SH3RF3: variants seen among roughly 807,000 people sequenced by gnomAD.
SH3RF3 encodes the protein E3 ubiquitin-protein ligase SH3RF3.
A neutral mutation model predicts 66.3 loss-of-function variants in SH3RF3; 29 were observed. The ratio of observed to expected loss-of-function variants is 0.44; its 90% CI spans 0.33 to 0.60. The LOEUF (loss-of-function observed/expected upper bound fraction) is 0.60. Among genes scored for constraint, SH3RF3 ranks in the 20% least tolerant of loss-of-function variants. The pLI is 0.04. For missense variants in SH3RF3, 1,194 were observed against 1,190.9 expected, an observed-to-expected ratio of 1.00 and a Z score of -0.04; for synonymous variants, 583 against 532.0, an observed-to-expected ratio of 1.10 and a Z score of -1.32.
At chr2:109,318,820 T>G (rs1178991963) in intron 1 of SH3RF3, among the ~76,000 whole-genome samples, 1 of 152,194 alleles carries the variant, frequency 6.6e-6, no homozygotes, top group Non-Finnish European at 1.5e-5. Flanking sequence ...ACCCATCCAC[T>G]CAGAGGCAGA....
At chr2:109,314,305 A>C (rs1439382366) in intron 1 of SH3RF3, among the ~76,000 whole-genome samples, 2 of 152,198 alleles carry the variant, frequency 1.3e-5, no homozygotes, top group East Asian at 3.9e-4. Flanking sequence ...TGAAATGGTT[A>C]AACTGATAAA....
At chr2:109,315,677 G>C (rs112075660) in intron 1 of SH3RF3, among the ~76,000 whole-genome samples, 1 of 152,208 alleles carries the variant, frequency 6.6e-6, no homozygotes, top group Non-Finnish European at 1.5e-5. Flanking sequence ...ATAAAGGGGC[G>C]AGCTCTGTCT....
At chr2:109,465,442 A>G (rs1678315610) in intron 8 of SH3RF3, among the ~76,000 whole-genome samples, 1 of 152,192 alleles carries the variant, frequency 6.6e-6, no homozygotes, top group Admixed American at 6.5e-5. Context: ...TTGCTTTCCT[A>G]CCAGCAATGA....
chr2:109,354,814 CT>C (rs1682914563), intron 2 of SH3RF3, among the ~76,000 whole-genome samples: 3 of 152,234 alleles, frequency 2.0e-5, no homozygotes, highest in Admixed American at 1.3e-4. Context: ...AAAACACAGA[CT>C]TTGGAAGAGC....
intron 1 of SH3RF3, among the ~76,000 whole-genome samples, chr2:109,189,224 T>C (rs1487587507): frequency 6.6e-6 from 1 of 151,694 alleles, no homozygotes; most frequent in Non-Finnish European, 1.5e-5. Flanking sequence ...GGCTCTGGTG[T>C]GTTCAGAAGG....
intron 1 of SH3RF3, among the ~76,000 whole-genome samples, chr2:109,135,342 G>A (rs1380152510): frequency 6.6e-6 from 1 of 152,182 alleles, no homozygotes; most frequent in Non-Finnish European, 1.5e-5. Context: ...GGGGTGGTGG[G>A]AATCCCACTG....
intron 1 of SH3RF3, among the ~76,000 whole-genome samples, chr2:109,142,622 G>T (rs986819534): frequency 7.2e-5 from 11 of 152,140 alleles, no homozygotes; most frequent in Non-Finnish European, 1.5e-4. Flanking sequence ...GTTCTCTGGG[G>T]GCAGAACGCC....
At chr2:109,298,727 G>A (rs182228792) in intron 1 of SH3RF3, among the ~76,000 whole-genome samples, 177 of 152,218 alleles carry the variant, frequency 1.2e-3, no homozygotes, top group Middle Eastern at 0.01. Flanking sequence ...TACCCCATCA[G>A]CTCACCCTGT....
intron 5 of SH3RF3, among the ~76,000 whole-genome samples, chr2:109,426,976 A>T (rs1677041123): frequency 1.9e-5 from 2 of 108,072 alleles, no homozygotes; most frequent in African/African-American, 8.0e-5. Context: ...ATATATATAT[A>T]TATTTTTTTT....
chr2:109,402,222 T>C (rs1204487583), intron 4 of SH3RF3, among the ~76,000 whole-genome samples: 2 of 152,232 alleles, frequency 1.3e-5, no homozygotes, highest in Non-Finnish European at 2.9e-5. Flanking sequence ...TTGCTGGCCA[T>C]GTGCGTCTGA....
chr2:109,246,538 C>T (rs1200984571), intron 1 of SH3RF3, among the ~76,000 whole-genome samples: 2 of 152,196 alleles, frequency 1.3e-5, no homozygotes, highest in Non-Finnish European at 2.9e-5. Context: ...TTGCATACTC[C>T]AAGGAATATC....
chr2:109,131,432 G>A (rs1245411353), intron 1 of SH3RF3, among the ~76,000 whole-genome samples: 1 of 152,128 alleles, frequency 6.6e-6, no homozygotes, highest in Non-Finnish European at 1.5e-5. Context: ...TTGATGTAAG[G>A]TATTTATAAT....
At chr2:109,264,989 G>A (rs548236357) in intron 1 of SH3RF3, among the ~76,000 whole-genome samples, 4 of 152,306 alleles carry the variant, frequency 2.6e-5, no homozygotes, top group African/African-American at 9.6e-5. Context: ...AGAGATAGCC[G>A]CATGCTCTGT....
At chr2:109,279,792 C>T (rs775172522) in intron 1 of SH3RF3, among the ~76,000 whole-genome samples, 12 of 152,132 alleles carry the variant, frequency 7.9e-5, no homozygotes, top group East Asian at 5.8e-4. Context: ...AGAGCCAGGC[C>T]GGGCAAGAAG....
chr2:109,304,429 T>G (rs1259906355), intron 1 of SH3RF3, among the ~76,000 whole-genome samples: 3 of 152,146 alleles, frequency 2.0e-5, no homozygotes, highest in African/African-American at 7.2e-5. Context: ...TTCCTTCTTT[T>G]TTAAGGCTGA....
intron 1 of SH3RF3, among the ~76,000 whole-genome samples, chr2:109,156,487 C>G (rs1342533969): frequency 6.6e-6 from 1 of 151,010 alleles, no homozygotes; most frequent in Non-Finnish European, 1.5e-5. Flanking sequence ...CTCTTGTTGT[C>G]CAGGCTGGAG....
chr2:109,192,511 C>A (rs1457252629), intron 1 of SH3RF3, among the ~76,000 whole-genome samples: 1 of 152,100 alleles, frequency 6.6e-6, no homozygotes, highest in African/African-American at 2.4e-5. Context: ...TCAGAGTAAG[C>A]CTTTCTTATA....
intron 1 of SH3RF3, among the ~76,000 whole-genome samples, chr2:109,238,443 G>A (rs1005370620): frequency 7.4e-6 from 1 of 134,848 alleles, no homozygotes; most frequent in African/African-American, 2.8e-5. Context: ...TGTTTGTTAT[G>A]TATATTTGTG....
chr2:109,495,634 G>C (rs1679241125), intron 9 of SH3RF3, among the ~76,000 whole-genome samples: 1 of 151,532 alleles, frequency 6.6e-6, no homozygotes, highest in Non-Finnish European at 1.5e-5. Flanking sequence ...ATTGATTACA[G>C]GCGTCCACTG....
Sources: gnomAD v4.1 joint callset for allele counts (sites outside exome capture counted in the v4.1 genomes callset) on GRCh38, gnomAD v4.1.1 for gene constraint, MANE v1.5 for transcripts, NCBI Gene and HGNC (gene_info 2026-07-23, HGNC 2026-07-21) for gene names.